UBE2N: variants seen among roughly 807,000 people sequenced by gnomAD.
UBE2N encodes the protein ubiquitin conjugating enzyme E2 N, also known as ubiquitin-conjugating enzyme E2 N.
For missense variants in UBE2N, 60 were observed against 192.1 expected, an observed-to-expected ratio of 0.31 and a Z score of 4.07; for synonymous variants, 70 against 69.2, an observed-to-expected ratio of 1.01 and a Z score of -0.06.
chr12:93,430,563 A>G (rs1171154697), intron 1 of UBE2N, among the ~76,000 whole-genome samples: 2 of 151,936 alleles, frequency 1.3e-5, no homozygotes, highest in Non-Finnish European at 2.9e-5. Context: ...ACAGGGTCTC[A>G]TGTTTGTAGG....
intron 2 of UBE2N, 52 bp downstream of exon 2, chr12:93,411,001 A>G (rs776528967): frequency 4.3e-6 from 7 of 1,613,990 alleles, no homozygotes; most frequent in Non-Finnish European, 5.9e-6. Context: ...AATGCTTAAG[A>G]GAAAAAGGAG....
chr12:93,411,760 T>C (rs115954449), intron 1 of UBE2N, among the ~76,000 whole-genome samples: 2,912 of 152,232 alleles, frequency 0.019, 83 homozygotes, highest in African/African-American at 0.062. Flanking sequence ...TGGCAAGATC[T>C]TGGCTCACTG....
intron 1 of UBE2N, among the ~76,000 whole-genome samples, chr12:93,414,340 T>C (rs1015252096): frequency 6.6e-6 from 1 of 151,484 alleles, no homozygotes; most frequent in Non-Finnish European, 1.5e-5. Context: ...TCCCAGCTAC[T>C]TGGGAGGCTG....
intron 1 of UBE2N, among the ~76,000 whole-genome samples, chr12:93,439,531 C>T (rs1204302188): frequency 1.3e-5 from 2 of 152,230 alleles, no homozygotes; most frequent in South Asian, 4.2e-4. Context: ...AGAAATAAAA[C>T]AAATTAACAG....
At chr12:93,415,430 C>A (rs1469023713) in intron 1 of UBE2N, among the ~76,000 whole-genome samples, 1 of 152,096 alleles carries the variant, frequency 6.6e-6, no homozygotes, top group Non-Finnish European at 1.5e-5. Context: ...TTGTTTTGAT[C>A]ATGGCGATGT....
At chr12:93,428,453 T>C (rs1196391563) in intron 1 of UBE2N, among the ~76,000 whole-genome samples, 1 of 152,156 alleles carries the variant, frequency 6.6e-6, no homozygotes, top group East Asian at 1.9e-4. Flanking sequence ...CTAAAAACCT[T>C]TCCCTAAACC....
At chr12:93,417,881 C>A (rs12426990) in intron 1 of UBE2N, among the ~76,000 whole-genome samples, 20,457 of 152,078 alleles carry the variant, frequency 0.13, 1,688 homozygotes, top group East Asian at 0.21. Context: ...TAAGATAAAA[C>A]AAACGGGCTC....
chr12:93,412,927 T>C (rs1243591103), intron 1 of UBE2N, among the ~76,000 whole-genome samples: 1 of 152,254 alleles, frequency 6.6e-6, no homozygotes, highest in Admixed American at 6.5e-5. Context: ...CTAGCAAATA[T>C]TTAAGAATGT....
chr12:93,411,026 G>A, intron 2 of UBE2N, 27 bp downstream of exon 2: 1 of 1,613,818 alleles, frequency 6.2e-7, no homozygotes. Flanking sequence ...CTTAATAATA[G>A]CATATGCTGA....
chr12:93,418,197 C>T (rs1878282478), intron 1 of UBE2N, among the ~76,000 whole-genome samples: 2 of 151,876 alleles, frequency 1.3e-5, no homozygotes, highest in Admixed American at 1.3e-4. Flanking sequence ...TCTCTGCAAA[C>T]CAAAAAACTA....
chr12:93,431,135 G>A (rs1040390554), intron 1 of UBE2N, among the ~76,000 whole-genome samples: 25 of 152,124 alleles, frequency 1.6e-4, no homozygotes, highest in African/African-American at 5.6e-4. Flanking sequence ...GCTGAGGCAG[G>A]AGAATCGCTT....
intron 1 of UBE2N, among the ~76,000 whole-genome samples, chr12:93,419,117 A>T (rs1322911545): frequency 6.6e-6 from 1 of 152,216 alleles, no homozygotes; most frequent in Admixed American, 6.5e-5. Context: ...AAGTAATGTC[A>T]GGCCGGGCGT....
rs71433881 is a variant in UBE2N at position 93,426,551 on chromosome 12, T to TA, written c.31-15253dup. On this transcript the variant is annotated intron_variant, in intron 1 of 3. Transcript: ENST00000318066. ...AAACAAGCTTAATCAAAACAAGAGC[T>TA]AAAAAAACCCTATAAAACCCCTAAT... is the stretch of plus-strand genomic sequence containing the variant. Among the ~76,000 whole-genome samples, 1,421 of 152,110 alleles carry TA rather than the reference T, an allele frequency of 9.3e-3. 11 individuals are homozygous for TA. The highest frequency in any genetic ancestry group is 0.015 in the Admixed American group (226 of 15,270).
At chr12:93,416,510 C>G (rs187510634) in intron 1 of UBE2N, among the ~76,000 whole-genome samples, 1 of 151,150 alleles carries the variant, frequency 6.6e-6, no homozygotes, top group Non-Finnish European at 1.5e-5. Flanking sequence ...TGCAGTGGCA[C>G]GATCTTGGCT....
chr12:93,431,583 G>A (rs1431823594), intron 1 of UBE2N, among the ~76,000 whole-genome samples: 1 of 152,162 alleles, frequency 6.6e-6, no homozygotes, highest in Admixed American at 6.5e-5. Context: ...GGTACACGAT[G>A]CCAATGAAAG....
chr12:93,428,439 T>A (rs1220677447), intron 1 of UBE2N, among the ~76,000 whole-genome samples: 2 of 152,110 alleles, frequency 1.3e-5, no homozygotes, highest in Non-Finnish European at 1.5e-5. Context: ...TCAAATATCA[T>A]CCTCTAAAAA....
intron 1 of UBE2N, among the ~76,000 whole-genome samples, chr12:93,440,940 T>TC (rs144442183): frequency 0.082 from 12,389 of 151,682 alleles, 1,580 homozygotes; most frequent in African/African-American, 0.28. Context: ...TTTCACGAGA[T>TC]CCCCCACAGA....
chr12:93,428,573 C>A (rs929637389), intron 1 of UBE2N, among the ~76,000 whole-genome samples: 1 of 152,202 alleles, frequency 6.6e-6, no homozygotes, highest in African/African-American at 2.4e-5. Flanking sequence ...TTTTGTCTCC[C>A]ATTCTACCCA....
intron 1 of UBE2N, among the ~76,000 whole-genome samples, chr12:93,438,673 T>G (rs1176123880): frequency 6.6e-6 from 1 of 152,082 alleles, no homozygotes; most frequent in Non-Finnish European, 1.5e-5. Context: ...AAGATAACAC[T>G]AGCTGCTGCT....
Sources: gnomAD v4.1 joint callset for allele counts (sites outside exome capture counted in the v4.1 genomes callset) on GRCh38, gnomAD v4.1.1 for gene constraint, MANE v1.5 for transcripts, NCBI Gene and HGNC (gene_info 2026-07-23, HGNC 2026-07-21) for gene names.